The following PTPN1 variants were observed in gnomAD, a reference collection of about 807,000 sequenced individuals.
PTPN1 encodes tyrosine-protein phosphatase non-receptor type 1.
A neutral mutation model predicts 59.9 loss-of-function variants in PTPN1; 12 were observed. That is an observed-to-expected ratio of 0.20 (90% CI 0.13 to 0.32). PTPN1 has a LOEUF of 0.32. Among genes scored for constraint, PTPN1 ranks in the 10% least tolerant of loss-of-function variants. PTPN1 has a pLI of 1.00. For missense variants in PTPN1, 356 were observed against 549.2 expected, an observed-to-expected ratio of 0.65 and a Z score of 3.52; for synonymous variants, 178 against 203.6, an observed-to-expected ratio of 0.87 and a Z score of 1.07.
At chr20:50,571,351 C>A (rs1016521091) in intron 4 of PTPN1, 1 of 152,192 alleles carries the variant, frequency 6.6e-6, no homozygotes, top group Non-Finnish European at 1.5e-5. Flanking sequence ...ATTACTTGGG[C>A]GTGCAGATTG....
At position 50,539,026 on chromosome 20, in the gene PTPN1, C is replaced by CTT. The variant is rs71190576; in HGVS notation, c.64-22312_64-22311dup. Among the ~76,000 whole-genome samples, 132 of 85,306 alleles carry CTT rather than the reference C, an allele frequency of 1.5e-3. 1 individual carries two copies. The highest frequency in any genetic ancestry group is 2.3e-3 in the East Asian group (6 of 2,588). 56.0% of individuals were successfully genotyped at this position (85,306 alleles called of 152,430 possible). On this transcript the variant is annotated intron_variant, in intron 1 of 9. Coordinates refer to ENST00000371621, the MANE Select transcript of PTPN1 (RefSeq NM_002827.4). ...TGCTCACTCTAAGTTCTTCTCAATT[C>CTT]TTTTTTTTTTTTTTTTTTTTTTTTT...
rs889640457 is a variant in PTPN1, at chr20:50,584,702, A to G, written c.*1987A>G. The G allele has an allele frequency of 6.6e-6, 1 of 152,138 alleles. No homozygotes were observed. Among genetic ancestry groups the G allele is most frequent in the South Asian group, 2.1e-4 (1 of 4,824 alleles). 9.4% of individuals were successfully genotyped at this position (152,138 alleles called of 1,614,324 possible). A position where few individuals can be genotyped will look rare whatever the true frequency, so the allele number is the denominator to read the frequency against. On this transcript the variant is annotated 3_prime_UTR_variant, in exon 10 of 10. Coordinates refer to ENST00000371621, the MANE Select transcript of PTPN1 (RefSeq NM_002827.4). ...AGACTGTACAGTTTTCCAACTTGCC[A>G]TATTCATGATGGGTTTGCATTTTAG...
intron 1 of PTPN1, chr20:50,557,626 A>G (rs1044099160): frequency 1.3e-5 from 2 of 152,212 alleles, no homozygotes; most frequent in African/African-American, 4.8e-5. Flanking sequence ...TTTTTTAAAC[A>G]TTATTTCTGT....
In PTPN1 at chr20:50,522,731, C is replaced by G. The variant is rs560967424; in HGVS notation, c.63+12141C>G. On this transcript the variant is annotated intron_variant, in intron 1 of 9. Transcript: ENST00000371621. ...TCTTTGTCCTAAGTTTTGTACCTTT[C>G]TCCAGAGGGAAAGGTATTTGTATTT... Among the ~76,000 whole-genome samples, 15 of 152,260 alleles carry G rather than the reference C, an allele frequency of 9.9e-5. 1 individual carries two copies. The highest frequency in any genetic ancestry group is 3.4e-3 in the Middle Eastern group (1 of 294).
intron 2 of PTPN1, among the ~76,000 whole-genome samples, 195 bp from the exon 3 acceptor site, chr20:50,564,774 A>G (rs1285659447): frequency 6.6e-6 from 1 of 152,180 alleles, no homozygotes; most frequent in African/African-American, 2.4e-5. Context: ...GTGAAGCTTC[A>G]GACACTTCTG....
chr20:50,582,133 G>A lies in PTPN1; in HGVS notation c.1285-559G>A, dbSNP rs996014839. ...CTCTGCTTCTGCTCAGGGTGTCCCC[G>A]CTGGGTTTCCATTGTCCTTTCTCCA... On this transcript the variant is annotated intron_variant, in intron 9 of 9. Coordinates refer to ENST00000371621, the MANE Select transcript of PTPN1 (RefSeq NM_002827.4). This position sits in a 1 kb window ranked among gnomAD's most constrained non-coding sequence, Gnocchi z 4.2. Among the ~76,000 whole-genome samples, 7 of 152,216 alleles carry A rather than the reference G, an allele frequency of 4.6e-5. No individual in the cohort carries two copies. Among genetic ancestry groups the A allele is most frequent in the African/African-American group, 1.2e-4 (5 of 41,462 alleles).
At position 50,568,083 on chromosome 20, in the gene PTPN1, G is replaced by A. The variant is rs2082787705; in HGVS notation, c.256-297G>A. On this transcript the variant is annotated intron_variant, in intron 3 of 9. Coordinates refer to ENST00000371621, the MANE Select transcript of PTPN1 (RefSeq NM_002827.4). The surrounding 1 kb of genome is among the most constrained non-coding windows in gnomAD (Gnocchi z 5.6). ...CCAAGGGCCTTGGGGACGAATCTCA[G>A]TGGAGGCCCTTAGCGGGCCTGCCTG... 6.6e-6 allele frequency among the ~76,000 whole-genome samples: 1 copy of A among 152,254 alleles called. No homozygotes were observed. Among genetic ancestry groups the A allele is most frequent in the African/African-American group, 2.4e-5 (1 of 41,472 alleles).
At chr20:50,565,383 C>T (rs2082774195) in intron 3 of PTPN1, among the ~76,000 whole-genome samples, 1 of 152,178 alleles carries the variant, frequency 6.6e-6, no homozygotes, top group Non-Finnish European at 1.5e-5. Flanking sequence ...GGGTCTGTAC[C>T]TGTGTTGCTT....
At chr20:50,527,553 C>G (rs2082582652) in intron 1 of PTPN1, among the ~76,000 whole-genome samples, 1 of 152,032 alleles carries the variant, frequency 6.6e-6, no homozygotes, top group Admixed American at 6.6e-5. Context: ...CCATGTTGGC[C>G]AGGCTTGTTG....
At chr20:50,546,184 A>G (rs376854198) in intron 1 of PTPN1, among the ~76,000 whole-genome samples, 2 of 152,222 alleles carry the variant, frequency 1.3e-5, no homozygotes, top group African/African-American at 2.4e-5. Flanking sequence ...TCCCCCCTGA[A>G]GCGCAGGCTC....
chr20:50,542,052 GGACCAT>G (rs1452676987), intron 1 of PTPN1, among the ~76,000 whole-genome samples: 1 of 152,110 alleles, frequency 6.6e-6, no homozygotes, highest in Non-Finnish European at 1.5e-5. Flanking sequence ...TTGAGGACAG[GGACCAT>G]GACATTACTA....
At chr20:50,510,739 C>T (rs1291454653) in intron 1 of PTPN1, 149 bp downstream of exon 1, 16 of 878,498 alleles carry the variant, frequency 1.8e-5, no homozygotes, top group Non-Finnish European at 2.4e-5. Context: ...CGCACTGCGT[C>T]CCCCCACCCT....
chr20:50,567,816 G>A (rs1007867881), intron 3 of PTPN1, among the ~76,000 whole-genome samples: 7 of 152,194 alleles, frequency 4.6e-5, no homozygotes, highest in Non-Finnish European at 5.9e-5. Context: ...ATGTTTCATT[G>A]GATGTTGCTG....
chr20:50,562,818 C>T (rs146366995), intron 2 of PTPN1, among the ~76,000 whole-genome samples: 2 of 152,318 alleles, frequency 1.3e-5, no homozygotes, highest in Non-Finnish European at 2.9e-5. Flanking sequence ...GCAACAGAAC[C>T]ATCACCGTTC....
chr20:50,555,623 T>C (rs2082722738), intron 1 of PTPN1, among the ~76,000 whole-genome samples: 1 of 152,168 alleles, frequency 6.6e-6, no homozygotes, highest in African/African-American at 2.4e-5. Flanking sequence ...GAGTATACCT[T>C]AATTTTAAAA....
At chr20:50,528,162 T>G (rs1429264532) in intron 1 of PTPN1, among the ~76,000 whole-genome samples, 5 of 152,202 alleles carry the variant, frequency 3.3e-5, no homozygotes, top group Non-Finnish European at 5.9e-5. Context: ...TTTTGTACAT[T>G]TCTTCTGGGA....
chr20:50,520,757 A>G (rs969788592), intron 1 of PTPN1, among the ~76,000 whole-genome samples: 12 of 152,216 alleles, frequency 7.9e-5, no homozygotes, highest in African/African-American at 2.7e-4. Flanking sequence ...AGGAGGGGAC[A>G]TGTGAGGTCA....
chr20:50,524,357 CTTTGA>C (rs2082563995), intron 1 of PTPN1, among the ~76,000 whole-genome samples: 3 of 151,956 alleles, frequency 2.0e-5, no homozygotes, highest in Non-Finnish European at 1.5e-5. Flanking sequence ...TGCAGATAAT[CTTTGA>C]TTTGTACAAA....
chr20:50,538,990 G>A lies in PTPN1; in HGVS notation c.64-22373G>A, dbSNP rs117591446. Among the ~76,000 whole-genome samples the A allele has an allele frequency of 2.2e-3, 297 of 137,016 alleles. 4 individuals are homozygous for A. Among genetic ancestry groups the A allele is most frequent in the East Asian group, 0.019 (80 of 4,278 alleles). 89.9% of individuals were successfully genotyped at this position (137,016 alleles called of 152,430 possible). ...ACATCCTTCTATCTTAGACCTACTA[G>A]TAAATATTAATGCTCACTCTAAGTT... On this transcript the variant is annotated intron_variant, in intron 1 of 9. Transcript: ENST00000371621.
Sources: gnomAD v4.1 joint callset for allele counts (sites outside exome capture counted in the v4.1 genomes callset) on GRCh38, gnomAD v4.1.1 for gene constraint, Gnocchi (gnomAD v3.1) non-coding constraint, MANE v1.5 for transcripts, NCBI Gene and HGNC (gene_info 2026-07-23, HGNC 2026-07-21) for gene names.